CNTN5: variants seen among roughly 807,000 people sequenced by gnomAD.
CNTN5 encodes contactin 5.
CNTN5 carries 77 observed loss-of-function variants against 129.1 expected under a neutral mutation model. The observed-to-expected ratio is 0.60, with a 90% CI of 0.50 to 0.72. The LOEUF (loss-of-function observed/expected upper bound fraction) is 0.72. CNTN5 is among the 30% of genes least tolerant of loss of function. The probability of loss-of-function intolerance (pLI) is 0.00; values close to 1 mark genes in which losing one functional copy is unlikely to be tolerated. For missense variants in CNTN5, 1,478 were observed against 1,328.8 expected (o/e 1.11, Z -1.75); for synonymous variants, 509 against 465.6 (o/e 1.09, Z -1.20).
chr11:99,714,877 T>C (rs635549), intron 3 of CNTN5, among the ~76,000 whole-genome samples: 101,157 of 150,756 alleles, frequency 0.67, 34,938 homozygotes, highest in Middle Eastern at 0.84. Context: ...CTTGAAGCTG[T>C]CTAACTTCTA....
At chr11:99,439,911 C>T (rs1027327280) in intron 2 of CNTN5, among the ~76,000 whole-genome samples, 19 of 151,892 alleles carry the variant, frequency 1.3e-4, no homozygotes, top group Admixed American at 1.2e-3. Flanking sequence ...ATACATAAAA[C>T]ATTTAGATCA....
chr11:99,109,414 T>C (rs1857679622), intron 1 of CNTN5, among the ~76,000 whole-genome samples: 1 of 152,070 alleles, frequency 6.6e-6, no homozygotes, highest in South Asian at 2.1e-4. Context: ...ATTTGTTAGA[T>C]AGATATTTTT....
At chr11:100,157,433 A>C (rs945876913) in intron 13 of CNTN5, among the ~76,000 whole-genome samples, 20 of 151,810 alleles carry the variant, frequency 1.3e-4, no homozygotes, top group African/African-American at 4.8e-4. Flanking sequence ...CTATTTAAGG[A>C]AATTTTTCCA....
chr11:99,609,193 T>C lies in CNTN5; in HGVS notation c.55+52924T>C, dbSNP rs527391713. 1.2e-4 allele frequency among the ~76,000 whole-genome samples: 19 copies of C among 152,246 alleles called. No homozygotes were observed. The East Asian group carries it at 3.1e-3, about 25-fold the overall frequency. On this transcript the variant is annotated intron_variant, in intron 3 of 24. Coordinates refer to ENST00000524871, the MANE Select transcript of CNTN5 (RefSeq NM_014361.4). The stretch of plus-strand genomic sequence containing the variant: ...CTTGCCTTGTGCTTATTTATACTTA[T>C]GGTTGTTTAAACTTGTGTTACAATA...
intron 1 of CNTN5, among the ~76,000 whole-genome samples, chr11:99,139,623 T>C (rs1199068560): frequency 6.6e-6 from 1 of 152,126 alleles, no homozygotes. Context: ...CATCTTTTCT[T>C]ATTTCAATAT....
chr11:99,563,380 T>C (rs1948903001), intron 3 of CNTN5, among the ~76,000 whole-genome samples: 1 of 152,176 alleles, frequency 6.6e-6, no homozygotes, highest in South Asian at 2.1e-4. Flanking sequence ...GGTAGAGAGC[T>C]TGGAAAAGAC....
chr11:100,237,242 ACTCTGAAAGGC>A (rs544678185), intron 16 of CNTN5, among the ~76,000 whole-genome samples: 336 of 152,086 alleles, frequency 2.2e-3, no homozygotes, highest in Non-Finnish European at 4.1e-3. Context: ...AGTAGAAGTT[ACTCTGAAAGGC>A]AACCCACTGA....
chr11:99,185,647 T>G (rs1565385937), intron 1 of CNTN5, among the ~76,000 whole-genome samples: 1 of 151,800 alleles, frequency 6.6e-6, no homozygotes, highest in Non-Finnish European at 1.5e-5. Context: ...ATAAATGCAC[T>G]AAATCTGAAC....
intron 1 of CNTN5, among the ~76,000 whole-genome samples, chr11:99,171,877 C>G (rs1323405872): frequency 6.6e-6 from 1 of 152,024 alleles, no homozygotes; most frequent in African/African-American, 2.4e-5. Flanking sequence ...GGATTTTAGT[C>G]CCAGAGAATG....
intron 6 of CNTN5, among the ~76,000 whole-genome samples, chr11:99,873,355 G>A (rs867791903): frequency 6.6e-6 from 1 of 150,738 alleles, no homozygotes; most frequent in Non-Finnish European, 1.5e-5. Context: ...GAATCTATAA[G>A]AACTCAACAA....
chr11:100,203,183 A>G (rs570455975), intron 15 of CNTN5, among the ~76,000 whole-genome samples: 1 of 152,204 alleles, frequency 6.6e-6, no homozygotes, highest in South Asian at 2.1e-4. Context: ...AAAACATCTT[A>G]AAATATCCTA....
intron 3 of CNTN5, among the ~76,000 whole-genome samples, chr11:99,676,008 A>G (rs570668928): frequency 1.2e-4 from 18 of 152,166 alleles, no homozygotes; most frequent in Admixed American, 7.2e-4. Context: ...GAACTCTGAG[A>G]GTGTTTGTAG....
intron 3 of CNTN5, among the ~76,000 whole-genome samples, chr11:99,764,885 A>C (rs118108669): frequency 0.036 from 5,412 of 152,186 alleles, 140 homozygotes; most frequent in South Asian, 0.099. Flanking sequence ...AGTCTGGGCC[A>C]GTGTTTCCTA....
At chr11:99,167,627 G>A (rs1480657161) in intron 1 of CNTN5, among the ~76,000 whole-genome samples, 1 of 152,078 alleles carries the variant, frequency 6.6e-6, no homozygotes, top group African/African-American at 2.4e-5. Flanking sequence ...TCTCTTCATA[G>A]TGATCCATTA....
chr11:99,531,766 G>A (rs1316088008), intron 2 of CNTN5, among the ~76,000 whole-genome samples: 18 of 152,192 alleles, frequency 1.2e-4, no homozygotes, highest in Non-Finnish European at 1.5e-5. Flanking sequence ...GGCATTGAGC[G>A]TTCGAGTGCA....
chr11:99,844,659 TA>T (rs1947624251), intron 4 of CNTN5, 192 bp from the exon 5 acceptor site: 2 of 580,558 alleles, frequency 3.4e-6, no homozygotes, highest in Non-Finnish European at 6.0e-6. Context: ...TTTAGTTGAT[TA>T]AAAATTATAT....
At chr11:99,127,979 TTAA>T (rs1482363128) in intron 1 of CNTN5, among the ~76,000 whole-genome samples, 1 of 152,208 alleles carries the variant, frequency 6.6e-6, no homozygotes, top group Non-Finnish European at 1.5e-5. Flanking sequence ...TAAGATTGAA[TTAA>T]TGATGAGCAA....
chr11:99,583,439 C>G (rs1361670552), intron 3 of CNTN5, among the ~76,000 whole-genome samples: 1 of 152,194 alleles, frequency 6.6e-6, no homozygotes, highest in Non-Finnish European at 1.5e-5. Context: ...CCTACAAAGG[C>G]AGGCAGGCCT....
intron 13 of CNTN5, among the ~76,000 whole-genome samples, chr11:100,123,550 G>A (rs1946093144): frequency 6.6e-6 from 1 of 151,924 alleles, no homozygotes; most frequent in Non-Finnish European, 1.5e-5. Flanking sequence ...AATTTAAAAA[G>A]TCTTCCCTAA....
Sources: allele counts gnomAD v4.1 joint callset (sites outside exome capture counted in the v4.1 genomes callset), GRCh38; gene constraint gnomAD v4.1.1; transcripts MANE v1.5; gene names NCBI Gene and HGNC (gene_info 2026-07-23, HGNC 2026-07-21).